The following GET4 variants were observed in gnomAD, a reference collection of about 807,000 sequenced individuals.
GET4 encodes the protein guided entry of tail-anchored proteins factor 4, also known as Golgi to ER traffic protein 4 homolog.
GET4 carries 20 observed loss-of-function variants against 40.0 expected under a neutral mutation model. The observed-to-expected ratio is 0.50, with a 90% CI of 0.35 to 0.73. GET4 has a LOEUF of 0.73. Among genes scored for constraint, GET4 ranks in the 30% least tolerant of loss-of-function variants. The pLI, the probability that GET4 is intolerant of heterozygous loss-of-function variation, is 0.01. For synonymous variants in GET4, 280 were observed against 194.6 expected (o/e 1.44, Z -3.65); for missense variants, 557 against 454.0 (o/e 1.23, Z -2.06).
intron 6 of GET4, 136 bp from the exon 7 acceptor site, chr7:893,604 G>C: frequency 2.1e-6 from 1 of 482,810 alleles, no homozygotes; most frequent in Non-Finnish European, 3.6e-6. Context: ...GCATGGGCGC[G>C]GTGTGTGCAG....
chr7:890,421 T>C (rs1473304775), intron 4 of GET4, among the ~76,000 whole-genome samples: 2 of 145,712 alleles, frequency 1.4e-5, no homozygotes, highest in African/African-American at 5.1e-5. Context: ...AGGACGGGCC[T>C]GGGAGTGGAG....
chr7:894,970 C>CA (rs1562899346), intron 8 of GET4, among the ~76,000 whole-genome samples: 1 of 151,974 alleles, frequency 6.6e-6, no homozygotes, highest in African/African-American at 2.4e-5. Context: ...CTTCTCTGCT[C>CA]AAAAATCTCT....
intron 1 of GET4, among the ~76,000 whole-genome samples, chr7:879,522 G>A (rs1403043331): frequency 6.6e-6 from 1 of 152,216 alleles, no homozygotes; most frequent in Non-Finnish European, 1.5e-5. Context: ...CCCGGGCTCA[G>A]GACAGTGCAT....
chr7:891,143 C>G (rs11764234), intron 5 of GET4, 77 bp downstream of exon 5: 7 of 1,196,156 alleles, frequency 5.9e-6, no homozygotes, highest in Middle Eastern at 2.6e-4. Flanking sequence ...GTCCCCTTGT[C>G]CCCTGTCCGA....
intron 8 of GET4, among the ~76,000 whole-genome samples, chr7:894,756 G>C (rs1315296260): frequency 1.3e-5 from 2 of 152,250 alleles, no homozygotes; most frequent in Non-Finnish European, 2.9e-5. Flanking sequence ...CCGTGTCTTT[G>C]TATTCAAAGA....
At chr7:886,678 C>T (rs113618766) in intron 3 of GET4, 28 bp downstream of exon 3, 7 of 1,512,000 alleles carry the variant, frequency 4.6e-6, no homozygotes, top group Non-Finnish European at 6.4e-6. Context: ...CACCCCGGGA[C>T]CCTGTGACAG....
intron 6 of GET4, among the ~76,000 whole-genome samples, chr7:893,134 T>TG (rs1223523504): frequency 8.3e-5 from 10 of 120,260 alleles, no homozygotes; most frequent in South Asian, 3.1e-4. Flanking sequence ...GTAGGCGTGG[T>TG]GTGTGCAGGT....
intron 6 of GET4, 70 bp from the exon 7 acceptor site, chr7:893,670 C>T (rs576136560): frequency 1.0e-4 from 102 of 1,000,404 alleles, no homozygotes; most frequent in Admixed American, 6.2e-4. Context: ...GGCGCAGGCG[C>T]GGTGGTTTGT....
intron 6 of GET4, 51 bp downstream of exon 6, chr7:892,469 G>A: frequency 1.9e-6 from 3 of 1,567,734 alleles, no homozygotes; most frequent in South Asian, 2.2e-5. Flanking sequence ...TGCGGGTTGT[G>A]TGTAGACGTG....
chr7:893,153 G>C (rs1448328045), intron 6 of GET4, among the ~76,000 whole-genome samples: 1 of 147,534 alleles, frequency 6.8e-6, no homozygotes, highest in East Asian at 2.0e-4. Context: ...GTGAGTGTTG[G>C]GTGTAGGCGT....
At chr7:878,272 G>C (rs1197439582) in intron 1 of GET4, 1 of 471,082 alleles carries the variant, frequency 2.1e-6, no homozygotes, top group South Asian at 1.5e-5. Context: ...CTTCAGGACT[G>C]CTCTGTTCCA....
chr7:887,178 T>C (rs767646464), intron 3 of GET4, 192 bp from the exon 4 acceptor site: 164 of 751,332 alleles, frequency 2.2e-4, no homozygotes, highest in Non-Finnish European at 2.7e-4. Context: ...TTCCTCGCTG[T>C]GCTCTGGGGC....
At chr7:876,959 C>A (rs1393333043) in intron 1 of GET4, among the ~76,000 whole-genome samples, 159 bp downstream of exon 1, 3 of 151,712 alleles carry the variant, frequency 2.0e-5, no homozygotes, top group Admixed American at 1.3e-4. Flanking sequence ...GGGTCTGGGC[C>A]GCGTCTCCGG....
chr7:887,158 C>T, intron 3 of GET4: 1 of 714,910 alleles, frequency 1.4e-6, no homozygotes, highest in East Asian at 2.7e-5. Flanking sequence ...GCCAGGGCGT[C>T]CGTCCTTCCT....
At chr7:879,039 T>TG (rs1340729348) in intron 1 of GET4, among the ~76,000 whole-genome samples, 2 of 151,968 alleles carry the variant, frequency 1.3e-5, no homozygotes, top group African/African-American at 4.8e-5. Flanking sequence ...GCCTGGTGTG[T>TG]GGGGGGATGA....
chr7:893,140 C>T (rs1205524064), intron 6 of GET4, among the ~76,000 whole-genome samples: 3 of 111,474 alleles, frequency 2.7e-5, no homozygotes, highest in Admixed American at 1.0e-4. Context: ...GTGGTGTGTG[C>T]AGGTGAGTGT....
chr7:882,846 C>T (rs1844114142), intron 1 of GET4: 1 of 152,308 alleles, frequency 6.6e-6, no homozygotes, highest in Non-Finnish European at 1.5e-5. Context: ...TGTACATTGG[C>T]ATTTAGAAAC....
Position 895,521 on chromosome 7 carries a change from C to G in GET4, c.*99C>G. 1 of 596,928 alleles carries G rather than the reference C, an allele frequency of 1.7e-6. No individual in the cohort carries two copies. Among genetic ancestry groups the G allele is most frequent in the Non-Finnish European group, 3.0e-6 (1 of 333,784 alleles). 37.0% of individuals were successfully genotyped at this position (596,928 alleles called of 1,614,324 possible). ...CTCCTCGCCTTGGGGGCTCCTGGCCCTGAGGCTGGCGGTGGCCGCATGCCG... is the reference window on the plus strand; with the variant it reads ...CTCCTCGCCTTGGGGGCTCCTGGCCGTGAGGCTGGCGGTGGCCGCATGCCG... On this transcript the variant is annotated 3_prime_UTR_variant, in exon 9 of 9. Coordinates refer to ENST00000265857, the MANE Select transcript of GET4 (RefSeq NM_015949.3).
In GET4 at chr7:895,570, G is replaced by A. The variant is rs991305561; in HGVS notation, c.*148G>A. The A allele has an allele frequency of 5.7e-5, 29 of 512,176 alleles. No homozygotes were observed. Among genetic ancestry groups the A allele is most frequent in the Non-Finnish European group, 7.7e-5 (22 of 284,314 alleles). 31.7% of individuals were successfully genotyped at this position (512,176 alleles called of 1,614,324 possible). On this transcript the variant is annotated 3_prime_UTR_variant, in exon 9 of 9. Coordinates refer to ENST00000265857, the MANE Select transcript of GET4 (RefSeq NM_015949.3). ...CGGCGCGTGTCTGTTTCTGTGCGGC[G>A]GCTCAGGGTGGCGCGGCTGCTGCTC... is the stretch of plus-strand genomic sequence containing the variant.
Sources: allele counts gnomAD v4.1 joint callset (sites outside exome capture counted in the v4.1 genomes callset), GRCh38; gene constraint gnomAD v4.1.1; transcripts MANE v1.5; gene names NCBI Gene and HGNC (gene_info 2026-07-23, HGNC 2026-07-21).